GNPAT: variants seen among roughly 807,000 people sequenced by gnomAD.
The protein encoded by GNPAT is dihydroxyacetone phosphate acyltransferase.
In GNPAT, 30 loss-of-function variants were observed where a neutral mutation model predicts 78.4. That is an observed-to-expected ratio of 0.38 (90% CI 0.29 to 0.52). GNPAT has a LOEUF of 0.52. Among genes scored for constraint, GNPAT ranks in the 20% least tolerant of loss-of-function variants. The probability of loss-of-function intolerance (pLI) is 0.84; values close to 1 mark genes in which losing one functional copy is unlikely to be tolerated. For synonymous variants in GNPAT, 271 were observed against 281.1 expected, an observed-to-expected ratio of 0.96 and a Z score of 0.36; for missense variants, 714 against 812.2, an observed-to-expected ratio of 0.88 and a Z score of 1.47.
chr1:231,256,906 A>G (rs529641747), intron 2 of GNPAT, among the ~76,000 whole-genome samples: 1 of 152,324 alleles, frequency 6.6e-6, no homozygotes, highest in Admixed American at 6.5e-5. Flanking sequence ...GTCTTAGCCA[A>G]GGAAAGATGT....
At chr1:231,269,831 C>T (rs1037047505) in intron 9 of GNPAT, 7 of 152,300 alleles carry the variant, frequency 4.6e-5, no homozygotes, top group African/African-American at 1.2e-4. Flanking sequence ...AGTGTCACTA[C>T]AGTTCTGTTC....
At chr1:231,274,502 A>G (rs1490624217) in intron 12 of GNPAT, among the ~76,000 whole-genome samples, 1 of 152,232 alleles carries the variant, frequency 6.6e-6, no homozygotes, top group Non-Finnish European at 1.5e-5. Context: ...AAAAAGTTCA[A>G]GTGCAAGTTC....
At position 231,262,826 on chromosome 1, in the gene GNPAT, C is replaced by G; in HGVS notation, c.542C>G (p.Pro181Arg). The change falls in exon 4 of 16, where the codon CCT becomes CGT. Residue 181 changes from proline (P) to arginine (R), a missense_variant. Transcript: ENST00000366647. ...LSFLLYNYDL[P>R]VPVIAAGMDF... ...TTTCTTCTATACAATTATGATTTGCCTGTGCCAGTTATAGCAGCAGGAATG... is the reference window on the plus strand; with the variant it reads ...TTTCTTCTATACAATTATGATTTGCGTGTGCCAGTTATAGCAGCAGGAATG... 6.2e-7 allele frequency: 1 copy of G among 1,612,084 alleles called. No homozygotes were observed. Among genetic ancestry groups the G allele is most frequent in the Non-Finnish European group, 8.5e-7 (1 of 1,178,224 alleles).
intron 2 of GNPAT, chr1:231,258,297 C>G (rs1358281616): frequency 6.6e-6 from 1 of 152,214 alleles, no homozygotes; most frequent in Non-Finnish European, 1.5e-5. Context: ...TCTGGCTGCT[C>G]CTGGGAGAGT....
At chr1:231,263,591 T>TTA (rs1450565328) in intron 4 of GNPAT, among the ~76,000 whole-genome samples, 3 of 152,176 alleles carry the variant, frequency 2.0e-5, no homozygotes, top group African/African-American at 4.8e-5. Context: ...TTCCATTTTT[T>TTA]TATATATATA....
chr1:231,253,421 A>G (rs958103479), intron 2 of GNPAT, among the ~76,000 whole-genome samples: 1 of 152,260 alleles, frequency 6.6e-6, no homozygotes, highest in Non-Finnish European at 1.5e-5. Flanking sequence ...ACAGTTGTCA[A>G]GCTTTAAATT....
Position 231,262,747 on chromosome 1 carries a change from C to T in GNPAT, c.463C>T (p.Pro155Ser). Reference sequence around the variant, plus strand: ...GCTACAAAGAGCCATCCAGGAGCATCCTGTTGTTCTGCTGCCTAGTCATCG... The same window carrying T: ...GCTACAAAGAGCCATCCAGGAGCATTCTGTTGTTCTGCTGCCTAGTCATCG... The part of the protein sequence containing the change: ...QKLQRAIQEH[P>S]VVLLPSHRSY... The change falls in exon 4 of 16, where the codon CCT (proline) becomes TCT (serine). Residue 155 changes from proline to serine, a missense_variant. Physicochemically the swap from Pro to Ser is moderately conservative, Grantham distance 74. Coordinates refer to ENST00000366647, the MANE Select transcript of GNPAT (RefSeq NM_014236.4). 1 of 1,609,376 alleles carries T rather than the reference C, an allele frequency of 6.2e-7. No homozygotes were observed. Among genetic ancestry groups the T allele is most frequent in the South Asian group, 1.1e-5 (1 of 90,984 alleles).
In GNPAT at chr1:231,265,315, TG is replaced by T; in HGVS notation, c.593del (p.Gly198ValfsTer30). 1 of 1,612,580 alleles carries T rather than the reference TG, an allele frequency of 6.2e-7. No homozygotes were observed. Among genetic ancestry groups the T allele is most frequent in the Non-Finnish European group, 8.5e-7 (1 of 1,178,528 alleles). On this transcript the variant is annotated frameshift_variant, in exon 5 of 16. Transcript: ENST00000366647. LOFTEE classifies it high-confidence loss of function. ...TAGACTTCCTGGGAATGAAAATGGT[TG>T]GTGAGCTGCTACGAATGTCGGGTGC... is the stretch of plus-strand genomic sequence containing the variant. ...GMDFLGMKMV[G>X]ELLRMSGAFF...
chr1:231,273,051 C>T (rs1685611179), intron 11 of GNPAT, among the ~76,000 whole-genome samples: 1 of 152,102 alleles, frequency 6.6e-6, no homozygotes, highest in African/African-American at 2.4e-5. Context: ...GTCACCCAGG[C>T]AAGTGCCTTT....
chr1:231,244,509 AGAT>A lies in GNPAT; in HGVS notation c.78+3061_78+3063del, dbSNP rs532614898. On this transcript the variant is annotated intron_variant, in intron 1 of 15. Coordinates refer to ENST00000366647, the MANE Select transcript of GNPAT (RefSeq NM_014236.4). Reference sequence around the variant, plus strand: ...GGTTTCTATGATTTGGCAACTGGGCAGATGATGATGCCTTTCATTGATAAGAAA... The same window carrying A: ...GGTTTCTATGATTTGGCAACTGGGCAGATGATGCCTTTCATTGATAAGAAA... 1.3e-3 allele frequency among the ~76,000 whole-genome samples: 202 copies of A among 152,330 alleles called. 2 individuals are homozygous for A. Among genetic ancestry groups the A allele is most frequent in the East Asian group, 1.9e-3 (10 of 5,186 alleles).
Position 231,275,425 on chromosome 1 carries a change from GTAT to G in GNPAT, c.1868_1870del (p.Leu623del). 6.2e-7 allele frequency: 1 copy of G among 1,610,282 alleles called. No individual in the cohort carries two copies. Among genetic ancestry groups the G allele is most frequent in the Non-Finnish European group, 8.5e-7 (1 of 1,176,550 alleles). Reference sequence around the variant, plus strand: ...TTTAGGTACCTCTCAATGTTATGATGTATTATCTTCTGATGTGCAGAAAAACGC... The same window carrying G: ...TTTAGGTACCTCTCAATGTTATGATGTATCTTCTGATGTGCAGAAAAACGC... On this transcript the variant is annotated inframe_deletion, in exon 14 of 16. Transcript: ENST00000366647.
chr1:231,244,128 C>T (rs964999414), intron 1 of GNPAT, among the ~76,000 whole-genome samples: 4 of 152,078 alleles, frequency 2.6e-5, no homozygotes, highest in Non-Finnish European at 5.9e-5. Flanking sequence ...AGGCTGGTGT[C>T]GAACTCCCGG....
At chr1:231,252,360 G>A (rs1436264144) in intron 2 of GNPAT, among the ~76,000 whole-genome samples, 1 of 152,210 alleles carries the variant, frequency 6.6e-6, no homozygotes, top group Non-Finnish European at 1.5e-5. Flanking sequence ...GAGGGAACCA[G>A]TTTGGGAGGG....
intron 2 of GNPAT, among the ~76,000 whole-genome samples, chr1:231,252,544 G>A (rs1684926588): frequency 6.6e-6 from 1 of 152,152 alleles, no homozygotes. Context: ...CCTGGGGCTT[G>A]GTCCCGCCCA....
chr1:231,272,081 CAG>C (rs1353634258), intron 10 of GNPAT, among the ~76,000 whole-genome samples: 2 of 152,146 alleles, frequency 1.3e-5, no homozygotes, highest in Non-Finnish European at 2.9e-5. Context: ...GCCTGGGTGA[CAG>C]AGCGAGACTC....
intron 1 of GNPAT, among the ~76,000 whole-genome samples, chr1:231,250,740 A>G (rs369148830): frequency 1.2e-4 from 18 of 152,332 alleles, no homozygotes; most frequent in African/African-American, 4.3e-4. Context: ...AGCAATCAGA[A>G]ATATAATAAA....
intron 3 of GNPAT, among the ~76,000 whole-genome samples, chr1:231,261,313 G>C (rs928043498): frequency 2.6e-5 from 4 of 151,570 alleles, no homozygotes; most frequent in Non-Finnish European, 5.9e-5. Flanking sequence ...CTTAGTATCT[G>C]TATTTGTGTT....
chr1:231,277,359 G>A (rs1478098614), intron 15 of GNPAT, 140 bp from the exon 16 acceptor site: 20 of 682,338 alleles, frequency 2.9e-5, no homozygotes, highest in African/African-American at 1.2e-4. Flanking sequence ...GGGGGCTGGC[G>A]TCCCCATGGG....
chr1:231,274,903 T>C (rs912473725), intron 12 of GNPAT: 3 of 317,008 alleles, frequency 9.5e-6, no homozygotes, highest in African/African-American at 2.2e-5. Context: ...GTTATTAAAA[T>C]CTGACCCCTC....
Sources: gnomAD v4.1 joint callset for allele counts (sites outside exome capture counted in the v4.1 genomes callset) on GRCh38, gnomAD v4.1.1 for gene constraint, MANE v1.5 for transcripts, NCBI Gene and HGNC (gene_info 2026-07-23, HGNC 2026-07-21) for gene names.